The following APOM variants were observed in gnomAD, a reference collection of about 807,000 sequenced individuals.
APOM encodes the protein NG20-like protein.
APOM carries 24 observed loss-of-function variants against 23.5 expected under a neutral mutation model. The ratio of observed to expected loss-of-function variants is 1.02; its 90% confidence interval spans 0.74 to 1.44. The LOEUF (loss-of-function observed/expected upper bound fraction) is 1.44. Among genes scored for constraint, APOM ranks in the 40% most tolerant of loss-of-function variants. APOM has a pLI of 0.00. For missense variants in APOM, 200 were observed against 233.2 expected (o/e 0.86, Z 0.93); for synonymous variants, 82 against 84.1 (o/e 0.97, Z 0.14).
At chr6:31,653,471 G>C (rs1799257682), upstream of APOM, among the ~76,000 whole-genome samples, 1 of 152,210 alleles carries the variant, frequency 6.6e-6, no homozygotes, top group Non-Finnish European at 1.5e-5. Context: ...TTTTAGTTAA[G>C]AGTTCTAATA....
intron 2 of APOM, 48 bp downstream of exon 2, chr6:31,656,674 A>C (rs1473412997): frequency 6.3e-7 from 1 of 1,589,696 alleles, no homozygotes; most frequent in Non-Finnish European, 8.6e-7. Flanking sequence ...TCTCTGCCCA[A>C]AGTGTGAGAA....
At chr6:31,656,148 G>T in intron 1 of APOM, 68 bp downstream of exon 1, 1 of 1,245,246 alleles carries the variant, frequency 8.0e-7, no homozygotes, top group South Asian at 1.3e-5. Flanking sequence ...GGCCTAGGAT[G>T]ACTGGAGACC....
At position 31,655,984 on chromosome 6, in the gene APOM, G is replaced by T. The variant is rs940772670; in HGVS notation, c.18G>T (p.Trp6Cys). 1.3e-5 allele frequency: 20 copies of T among 1,598,860 alleles called. No individual in the cohort carries two copies. Among genetic ancestry groups the T allele is most frequent in the Non-Finnish European group, 1.7e-5 (20 of 1,172,818 alleles). Reference protein sequence around the residue: MFHQIWAALLYFYGII... With the variant: MFHQICAALLYFYGII... The stretch of plus-strand genomic sequence containing the variant: ...GCCTGAAGATGTTCCACCAAATTTG[G>T]GCAGCTCTGCTCTACTTCTATGGTA... Residue 6 changes from tryptophan to cysteine, a missense_variant, in exon 1 of 6, where the codon TGG becomes TGT. Trp to Cys is a radical substitution (Grantham distance 215). Coordinates refer to ENST00000375916, the MANE Select transcript of APOM (RefSeq NM_019101.3).
chr6:31,658,173 T>C lies in APOM; in HGVS notation c.*84T>C. 2 of 1,454,624 alleles carry C rather than the reference T, an allele frequency of 1.4e-6. No individual in the cohort carries two copies. Among genetic ancestry groups the C allele is most frequent in the South Asian group, 2.3e-5 (2 of 87,754 alleles). The allele number at this position is 1,454,624 out of a possible 1,614,324, so 90.1% of individuals were successfully genotyped here. A position where few individuals can be genotyped will look rare whatever the true frequency, so the allele number is the denominator to read the frequency against. ...GAAGCTGGAGACTTCCAGCTCCAGCTCCCACTCAAGATAATAAAGATAATT... is the reference window on the plus strand; with the variant it reads ...GAAGCTGGAGACTTCCAGCTCCAGCCCCCACTCAAGATAATAAAGATAATT... On this transcript the variant is annotated 3_prime_UTR_variant, in exon 6 of 6. Coordinates refer to ENST00000375916, the MANE Select transcript of APOM (RefSeq NM_019101.3).
rs760614075 is a variant in APOM at position 31,658,162 on chromosome 6, C to T, written c.*73C>T. The T allele has an allele frequency of 2.7e-6, 4 of 1,471,188 alleles. No individual in the cohort carries two copies. Among genetic ancestry groups the T allele is most frequent in the Non-Finnish European group, 3.8e-6 (4 of 1,050,580 alleles). The allele number at this position is 1,471,188 out of a possible 1,614,324, so 91.1% of individuals were successfully genotyped here. ...TGTTGGAGGGAGAAGCTGGAGACTT[C>T]CAGCTCCAGCTCCCACTCAAGATAA... On this transcript the variant is annotated 3_prime_UTR_variant, in exon 6 of 6. Coordinates refer to ENST00000375916, the MANE Select transcript of APOM (RefSeq NM_019101.3).
chr6:31,656,688 A>G, intron 2 of APOM, 62 bp downstream of exon 2: 3 of 1,571,766 alleles, frequency 1.9e-6, no homozygotes, highest in South Asian at 2.3e-5. Context: ...GTGAGAATCC[A>G]CCCACCAAGA....
upstream of APOM, among the ~76,000 whole-genome samples, chr6:31,654,245 CAAAAAAA>C (rs34260741): frequency 3.0e-5 from 3 of 99,122 alleles, no homozygotes; most frequent in East Asian, 2.9e-4. Flanking sequence ...ACTCCCATCT[CAAAAAAA>C]AAAAAAAAAA....
upstream of APOM, chr6:31,652,552 G>A (rs1798630766): frequency 6.6e-6 from 1 of 152,336 alleles, no homozygotes; most frequent in Non-Finnish European, 1.5e-5. Flanking sequence ...GCCCCAAACA[G>A]TGAGTTTCTG....
At chr6:31,657,158 A>C in intron 2 of APOM, 67 bp from the exon 3 acceptor site, 6 of 1,478,730 alleles carry the variant, frequency 4.1e-6, no homozygotes, top group Non-Finnish European at 5.5e-6. Context: ...AAAAAAAAAA[A>C]AGAAGCTGGG....
At chr6:31,657,560 C>T (rs1216469586) in intron 4 of APOM, 65 bp from the exon 5 acceptor site, 2 of 1,597,022 alleles carry the variant, frequency 1.3e-6, no homozygotes, top group Non-Finnish European at 1.7e-6. Flanking sequence ...CCTATGACAC[C>T]CTCCCAGGAA....
Position 31,657,234 on chromosome 6 carries a change from G to C in APOM, c.279G>C (p.Gly93=). 6.2e-7 allele frequency: 1 copy of C among 1,613,012 alleles called. No homozygotes were observed. The highest frequency in any genetic ancestry group is 1.3e-5 in the African/African-American group (1 of 75,026). The stretch of plus-strand genomic sequence containing the variant: ...ACCACCACCTCTGCAGGAAAGATGG[G>C]CTCTGTGTGCCCCGGAAATGGATCT... ...HLRATIRMKD[G]LCVPRKWIYH... The change falls in exon 3 of 6, where the codon GGG becomes GGC. Residue 93 remains glycine, a synonymous_variant. Transcript: ENST00000375916.
rs1470714049 is a variant in APOM, at chr6:31,657,630, T to C, written c.448T>C (p.Ser150Pro). ...ACCCCACCTTGCCCTTCCAGATCGCTCACCACATCCTCCCGAAAAGTGTGT... is the reference window on the plus strand; with the variant it reads ...ACCCCACCTTGCCCTTCCAGATCGCCCACCACATCCTCCCGAAAAGTGTGT... ...GYQRFLLYNR[S>P]PHPPEKCVEE... The change falls in exon 5 of 6, where the codon TCA becomes CCA. Residue 150 changes from serine to proline, a missense_variant. Coordinates refer to ENST00000375916, the MANE Select transcript of APOM (RefSeq NM_019101.3). The C allele has an allele frequency of 6.2e-7, 1 of 1,612,972 alleles. No homozygotes were observed. The highest frequency in any genetic ancestry group is 8.5e-7 in the Non-Finnish European group (1 of 1,179,948).
At chr6:31,655,284 C>CCTCT (rs777043182), upstream of APOM, among the ~76,000 whole-genome samples, 1 of 152,230 alleles carries the variant, frequency 6.6e-6, no homozygotes, top group Non-Finnish European at 1.5e-5. Context: ...CAACATCTAT[C>CCTCT]CTCTCTAACA....
upstream of APOM, among the ~76,000 whole-genome samples, chr6:31,653,258 C>T (rs1799121480): frequency 1.3e-5 from 2 of 152,146 alleles, no homozygotes; most frequent in Non-Finnish European, 2.9e-5. Flanking sequence ...AAGACCCTGA[C>T]CGTGGGGAAT....
Position 31,656,461 on chromosome 6 carries a change from T to C in APOM, c.115-11T>C. ...ACCCACCCTCTTTTGCTCCCTTCAT[T>C]GTCTCTCCAGTTCCCAGAGGTCCAC... On this transcript the variant is annotated splice_polypyrimidine_tract_variant and intron_variant, in intron 1 of 5. Coordinates refer to ENST00000375916, the MANE Select transcript of APOM (RefSeq NM_019101.3). The C allele has an allele frequency of 6.2e-7, 1 of 1,613,384 alleles. No individual in the cohort carries two copies. Among genetic ancestry groups the C allele is most frequent in the Non-Finnish European group, 8.5e-7 (1 of 1,179,572 alleles).
intron 2 of APOM, 79 bp downstream of exon 2, chr6:31,656,705 C>A: frequency 6.5e-7 from 1 of 1,538,048 alleles, no homozygotes; most frequent in Non-Finnish European, 8.8e-7. Flanking sequence ...AAGAGCTGGC[C>A]TCTTAGCTGG....
chr6:31,657,250 A>C lies in APOM; in HGVS notation c.295A>C (p.Lys99Gln). 6.2e-7 allele frequency: 1 copy of C among 1,612,996 alleles called. No individual in the cohort carries two copies. The highest frequency in any genetic ancestry group is 8.5e-7 in the Non-Finnish European group (1 of 1,180,018). Residue 99 changes from lysine (K) to glutamine (Q), a missense_variant, in exon 3 of 6, where the codon AAA (lysine) becomes CAA (glutamine). By Grantham distance (53) the Lys-to-Gln change is moderately conservative. Transcript: ENST00000375916. Reference protein sequence around the residue: ...RMKDGLCVPRKWIYHLTEGST... With the variant: ...RMKDGLCVPRQWIYHLTEGST... ...GAAAGATGGGCTCTGTGTGCCCCGG[A>C]AATGGATCTACCACCTGACTGAAGG... is the stretch of plus-strand genomic sequence containing the variant.
chr6:31,655,782 G>T, upstream of APOM: 1 of 578,726 alleles, frequency 1.7e-6, no homozygotes, highest in Non-Finnish European at 3.1e-6. Flanking sequence ...ATCCGGAAGA[G>T]GGGGAGGAAG....
At chr6:31,657,574 C>T in intron 4 of APOM, 51 bp from the exon 5 acceptor site, 1 of 1,598,598 alleles carries the variant, frequency 6.3e-7, no homozygotes, top group Non-Finnish European at 8.6e-7. Context: ...CCAGGAAGAG[C>T]TAGGTGCTTC....
Sources: allele counts gnomAD v4.1 joint callset (sites outside exome capture counted in the v4.1 genomes callset), GRCh38; gene constraint gnomAD v4.1.1; transcripts MANE v1.5; gene names NCBI Gene and HGNC (gene_info 2026-07-23, HGNC 2026-07-21).